MYH9: variants seen among roughly 807,000 people sequenced by gnomAD.
MYH9 encodes myosin heavy chain 9.
MYH9 carries 29 observed loss-of-function variants against 241.9 expected under a neutral mutation model. The observed-to-expected ratio is 0.12, with a 90% CI of 0.09 to 0.16. The LOEUF (loss-of-function observed/expected upper bound fraction) is 0.16. MYH9 is among the 10% of genes least tolerant of loss of function. The pLI is 1.00. For synonymous variants in MYH9, 1,047 were observed against 1,062.6 expected (o/e 0.99, Z 0.29); for missense variants, 1,803 against 2,595.5 (o/e 0.69, Z 6.63).
Position 36,306,791 on chromosome 22 carries a change from C to G in MYH9, c.1844-184G>C, listed in dbSNP as rs531077577. Among the ~76,000 whole-genome samples, 1 of 152,216 alleles carries G rather than the reference C, an allele frequency of 6.6e-6. No individual in the cohort carries two copies. Among genetic ancestry groups the G allele is most frequent in the Non-Finnish European group, 1.5e-5 (1 of 68,042 alleles). ...GGTCATCCCCAAACACAGCGGGAAG[C>G]CAAGGGGGATGCAAAGGCACTGGGC... On this transcript the variant is annotated intron_variant, in intron 15 of 40. Coordinates refer to ENST00000216181, the MANE Select transcript of MYH9 (RefSeq NM_002473.6). The surrounding 1 kb of genome is among the most constrained non-coding windows in gnomAD (Gnocchi z 4.1).
chr22:36,292,040 G>C lies in MYH9; in HGVS notation c.4290C>G (p.Asp1430Glu). Residue 1430 changes from aspartate (D) to glutamate (E), a missense_variant, in exon 31 of 41, where the codon GAC (aspartate) becomes GAG (glutamate). By Grantham distance (45) the Asp-to-Glu change is conservative. This residue lies in a region of MYH9 where 876 missense variants were observed against 1,077.8 expected (regional missense o/e 0.81). Coordinates refer to ENST00000216181, the MANE Select transcript of MYH9 (RefSeq NM_002473.6). Reference sequence around the variant, plus strand: ...GGTTGCACGCGCTCTGGCGCTGGTGGTCCAGGTCCACCAGCAGGTCGTCCA... The same window carrying C: ...GGTTGCACGCGCTCTGGCGCTGGTGCTCCAGGTCCACCAGCAGGTCGTCCA... ...QELDDLLVDL[D>E]HQRQSACNLE... The C allele has an allele frequency of 6.2e-7, 1 of 1,614,182 alleles. No homozygotes were observed. The highest frequency in any genetic ancestry group is 8.5e-7 in the Non-Finnish European group (1 of 1,180,044).
At position 36,288,416 on chromosome 22, in the gene MYH9, G is replaced by C. The variant is rs1335015096; in HGVS notation, c.4771-3C>G. Reference sequence around the variant, plus strand: ...AGCTCTGCCTCCATCTCCCGCACCTGGGGGAAGGAACATCAACAACTTGGG... The same window carrying C: ...AGCTCTGCCTCCATCTCCCGCACCTCGGGGAAGGAACATCAACAACTTGGG... On this transcript the variant is annotated splice_region_variant and splice_polypyrimidine_tract_variant and intron_variant, in intron 33 of 40. Transcript: ENST00000216181. The surrounding 1 kb of genome is among the most constrained non-coding windows in gnomAD (Gnocchi z 4.8). 1 of 1,608,106 alleles carries C rather than the reference G, an allele frequency of 6.2e-7. No individual in the cohort carries two copies. Among genetic ancestry groups the C allele is most frequent in the Admixed American group, 1.7e-5 (1 of 59,974 alleles).
At chr22:36,359,666 C>T (rs2017907118) in intron 1 of MYH9, among the ~76,000 whole-genome samples, 2 of 152,194 alleles carry the variant, frequency 1.3e-5, no homozygotes, top group South Asian at 4.1e-4. Flanking sequence ...GTAGAGGCAC[C>T]TACCACCTAC....
rs776777939 is a variant in MYH9, at chr22:36,341,366, C to T, written c.490+4G>A. ...CCCAGGTGGGCACACACTACGTCAC[C>T]CACCTTGCATCATACTCCTGTAGGC... On this transcript the variant is annotated splice_donor_region_variant and intron_variant, in intron 3 of 40. Transcript: ENST00000216181. 1.2e-6 allele frequency: 2 copies of T among 1,613,418 alleles called. No individual in the cohort carries two copies. The highest frequency in any genetic ancestry group is 3.3e-5 in the Admixed American group (2 of 59,986).
intron 1 of MYH9, chr22:36,365,067 T>G (rs1162746716): frequency 8.4e-6 from 1 of 119,124 alleles, no homozygotes; most frequent in African/African-American, 3.2e-5. Context: ...GATGACAAAA[T>G]AAGCTCCCAG....
intron 5 of MYH9, among the ~76,000 whole-genome samples, chr22:36,323,747 C>T (rs1351433003): frequency 6.6e-6 from 1 of 152,116 alleles, no homozygotes; most frequent in Non-Finnish European, 1.5e-5. Flanking sequence ...CCCTCCTAGG[C>T]CAGGACCCCC....
chr22:36,358,004 G>A (rs1018346272), intron 1 of MYH9, among the ~76,000 whole-genome samples: 2 of 152,192 alleles, frequency 1.3e-5, no homozygotes, highest in African/African-American at 4.8e-5. Flanking sequence ...GCATCAAAGG[G>A]TCCAGATGAT....
intron 14 of MYH9, 79 bp downstream of exon 14, chr22:36,311,970 C>T (rs929989295): frequency 2.5e-5 from 40 of 1,582,824 alleles, no homozygotes; most frequent in South Asian, 3.3e-5. Flanking sequence ...AGCAGCTGCC[C>T]GGCTCCTGGT....
chr22:36,290,027 G>A (rs919295844), intron 31 of MYH9, among the ~76,000 whole-genome samples: 2 of 152,132 alleles, frequency 1.3e-5, no homozygotes, highest in Non-Finnish European at 2.9e-5. Context: ...TTGGCTGCCC[G>A]ATGTCTTCTA....
intron 1 of MYH9, among the ~76,000 whole-genome samples, chr22:36,354,137 T>C (rs550374648): frequency 1.3e-5 from 2 of 151,480 alleles, no homozygotes; most frequent in South Asian, 2.1e-4. Flanking sequence ...CCTGACCTCA[T>C]GTGATCTGCC....
rs145442405 is a variant in MYH9, at chr22:36,361,164, G to A, written c.-19-11909C>T. Among the ~76,000 whole-genome samples, 1,128 of 152,292 alleles carry A rather than the reference G, an allele frequency of 7.4e-3. 12 individuals carry two copies. The highest frequency in any genetic ancestry group is 0.034 in the Admixed American group (515 of 15,300). On this transcript the variant is annotated intron_variant, in intron 1 of 40. Transcript: ENST00000216181. Reference sequence around the variant, plus strand: ...GGTAGGAGCTGAAGACTGCGGGTGGGCCCCCCTTCCCTTTCCACCTCAGGA... The same window carrying A: ...GGTAGGAGCTGAAGACTGCGGGTGGACCCCCCTTCCCTTTCCACCTCAGGA...
chr22:36,322,297 G>A (rs1190787615), intron 6 of MYH9, 132 bp downstream of exon 6: 23 of 1,017,972 alleles, frequency 2.3e-5, no homozygotes, highest in Middle Eastern at 2.1e-4. Context: ...TAGTCCACAC[G>A]ACAGGCCAGA....
chr22:36,289,752 T>A (rs1308488396), intron 31 of MYH9, among the ~76,000 whole-genome samples: 1 of 152,198 alleles, frequency 6.6e-6, no homozygotes, highest in Non-Finnish European at 1.5e-5. Context: ...CTGTTCTCTG[T>A]GTGCACCCAC....
intron 7 of MYH9, 144 bp from the exon 8 acceptor site, chr22:36,321,040 C>T: frequency 7.8e-6 from 5 of 644,760 alleles, no homozygotes; most frequent in South Asian, 7.7e-5. Context: ...GCAGCCTCCA[C>T]CTCCTGGATT....
intron 1 of MYH9, among the ~76,000 whole-genome samples, chr22:36,351,623 A>AC (rs2017766260): frequency 6.6e-6 from 1 of 151,790 alleles, no homozygotes; most frequent in African/African-American, 2.4e-5. Flanking sequence ...GTCAACAGGC[A>AC]CCCCTAGGGT....
rs1569537524 is a variant in MYH9 at position 36,387,932 on chromosome 22, C to G, written c.-145G>C. The G allele has an allele frequency of 2.0e-5, 3 of 152,258 alleles. No individual in the cohort carries two copies. Among genetic ancestry groups the G allele is most frequent in the African/African-American group, 4.8e-5 (2 of 41,572 alleles). 9.4% of individuals were successfully genotyped at this position (152,258 alleles called of 1,614,324 possible). On this transcript the variant is annotated 5_prime_UTR_variant, in exon 1 of 41. Transcript: ENST00000216181. Reference sequence around the variant, plus strand: ...GCTGCAGCAGGTCAGCCTTGCTTAGCCTTCCGTGCCCTGCCCAGGAACCGC... The same window carrying G: ...GCTGCAGCAGGTCAGCCTTGCTTAGGCTTCCGTGCCCTGCCCAGGAACCGC...
intron 1 of MYH9, among the ~76,000 whole-genome samples, chr22:36,367,822 A>C (rs1333264018): frequency 6.6e-6 from 1 of 152,206 alleles, no homozygotes; most frequent in Non-Finnish European, 1.5e-5. Flanking sequence ...GATTTGGGCC[A>C]ATGCCATCCT....
intron 3 of MYH9, among the ~76,000 whole-genome samples, chr22:36,334,318 G>C (rs978574015): frequency 6.6e-6 from 1 of 152,188 alleles, no homozygotes; most frequent in Non-Finnish European, 1.5e-5. Context: ...CATGGTGTTG[G>C]GTGGTGGCCC....
intron 4 of MYH9, among the ~76,000 whole-genome samples, chr22:36,327,160 G>A (rs1055363997): frequency 2.6e-5 from 4 of 152,168 alleles, no homozygotes; most frequent in African/African-American, 4.8e-5. Flanking sequence ...CAGAAGTTAC[G>A]GAGGAGCTGG....
Sources: allele counts gnomAD v4.1 joint callset (sites outside exome capture counted in the v4.1 genomes callset), GRCh38; gene constraint gnomAD v4.1.1; regional missense constraint gnomAD v4.1.1; non-coding constraint Gnocchi (gnomAD v3.1); transcripts MANE v1.5; gene names NCBI Gene and HGNC (gene_info 2026-07-23, HGNC 2026-07-21).